ZNF618: variants seen among roughly 807,000 people sequenced by gnomAD.
ZNF618 encodes the protein zinc finger protein 618.
In ZNF618, 34 loss-of-function variants were observed where a neutral mutation model predicts 103.0. The ratio of observed to expected loss-of-function variants is 0.33; its 90% confidence interval spans 0.25 to 0.44. The LOEUF (loss-of-function observed/expected upper bound fraction) is 0.44, where lower values mean the gene tolerates loss of function less well. Ranked by LOEUF, ZNF618 falls within the 20% of genes least tolerant of loss-of-function variation. ZNF618 has a pLI of 1.00. For synonymous variants in ZNF618, 551 were observed against 542.2 expected, an observed-to-expected ratio of 1.02 and a Z score of -0.23; for missense variants, 1,059 against 1,295.4, an observed-to-expected ratio of 0.82 and a Z score of 2.80.
chr9:113,956,081 C>T (rs1836257593), intron 1 of ZNF618, among the ~76,000 whole-genome samples: 1 of 151,890 alleles, frequency 6.6e-6, no homozygotes, highest in East Asian at 1.9e-4. Flanking sequence ...TGGTGGCTCA[C>T]GCCTGTAATC....
intron 1 of ZNF618, among the ~76,000 whole-genome samples, chr9:113,914,529 G>T (rs1490279830): frequency 1.5e-4 from 23 of 152,210 alleles, no homozygotes; most frequent in Admixed American, 1.5e-3. Flanking sequence ...TTATGATTTT[G>T]TAAACTGCAG....
At chr9:114,013,282 A>C (rs1266046748) in intron 9 of ZNF618, among the ~76,000 whole-genome samples, 3 of 152,196 alleles carry the variant, frequency 2.0e-5, no homozygotes, top group Non-Finnish European at 4.4e-5. Context: ...ACATGTAAAG[A>C]CTCAATTGTG....
chr9:113,930,408 C>T (rs1833466625), intron 1 of ZNF618, among the ~76,000 whole-genome samples: 1 of 152,138 alleles, frequency 6.6e-6, no homozygotes, highest in African/African-American at 2.4e-5. Context: ...TGTAGATATG[C>T]ATTGAGCTTC....
At chr9:114,011,546 G>A (rs1842246983) in intron 9 of ZNF618, among the ~76,000 whole-genome samples, 1 of 152,210 alleles carries the variant, frequency 6.6e-6, no homozygotes, top group African/African-American at 2.4e-5. Context: ...CTCAGGAGCT[G>A]CCTTGTGAGA....
chr9:114,047,781 T>C, intron 13 of ZNF618, 112 bp from the exon 14 acceptor site: 1 of 829,998 alleles, frequency 1.2e-6, no homozygotes. Context: ...AACCCAGGCC[T>C]GAGTCCCAAT....
intron 1 of ZNF618, among the ~76,000 whole-genome samples, chr9:113,915,919 C>T (rs555695755): frequency 2.4e-4 from 36 of 152,330 alleles, no homozygotes; most frequent in African/African-American, 8.2e-4. Context: ...AAGGGCTAGA[C>T]ATAGTAGATG....
chr9:113,984,248 T>G (rs1839247411), intron 2 of ZNF618, among the ~76,000 whole-genome samples: 1 of 152,184 alleles, frequency 6.6e-6, no homozygotes. Flanking sequence ...GAGTCACCTG[T>G]GCAAGGAAGA....
chr9:113,903,339 A>G (rs1564150127), intron 1 of ZNF618, among the ~76,000 whole-genome samples: 1 of 152,200 alleles, frequency 6.6e-6, no homozygotes, highest in East Asian at 1.9e-4. Flanking sequence ...ACAGTGGAGT[A>G]TATCACCCTA....
intron 13 of ZNF618, among the ~76,000 whole-genome samples, chr9:114,038,061 C>G (rs894152128): frequency 2.6e-5 from 4 of 152,172 alleles, no homozygotes; most frequent in Non-Finnish European, 4.4e-5. Flanking sequence ...GCCTTGAATG[C>G]CAGCTCAAGG....
At chr9:114,009,731 G>A (rs778734939) in intron 9 of ZNF618, among the ~76,000 whole-genome samples, 3 of 152,244 alleles carry the variant, frequency 2.0e-5, no homozygotes, top group African/African-American at 4.8e-5. Flanking sequence ...ATATCTGAGT[G>A]AAGGAAAATC....
At chr9:113,894,490 C>T (rs1829871337) in intron 1 of ZNF618, among the ~76,000 whole-genome samples, 1 of 152,146 alleles carries the variant, frequency 6.6e-6, no homozygotes, top group South Asian at 2.1e-4. Flanking sequence ...AAGGCAACTT[C>T]TTGAGGGAAG....
intron 1 of ZNF618, among the ~76,000 whole-genome samples, chr9:113,908,836 AG>A (rs370340251): frequency 2.6e-5 from 4 of 152,152 alleles, no homozygotes; most frequent in African/African-American, 9.6e-5. Flanking sequence ...TCACCCTCCA[AG>A]AAACAGGTCT....
intron 1 of ZNF618, among the ~76,000 whole-genome samples, chr9:113,931,057 G>T (rs1309627990): frequency 1.3e-5 from 2 of 152,200 alleles, no homozygotes; most frequent in Non-Finnish European, 2.9e-5. Flanking sequence ...AGAATAGTTA[G>T]ATATAGAAGA....
At chr9:114,031,212 G>C (rs1198519779) in intron 11 of ZNF618, among the ~76,000 whole-genome samples, 1 of 152,190 alleles carries the variant, frequency 6.6e-6, no homozygotes, top group Non-Finnish European at 1.5e-5. Context: ...CATAGGAGGT[G>C]CTCAGCGAAT....
At position 114,049,748 on chromosome 9, in the gene ZNF618, C is replaced by A; in HGVS notation, c.2446C>A (p.Pro816Thr). The A allele has an allele frequency of 6.2e-7, 1 of 1,613,962 alleles. No individual in the cohort carries two copies. The highest frequency in any genetic ancestry group is 1.7e-5 in the Admixed American group (1 of 60,034). Residue 816 changes from proline to threonine, a missense_variant, in exon 15 of 15, where the codon CCT (proline) becomes ACT (threonine). This residue lies in a region of ZNF618 where 156 missense variants were observed against 197.1 expected (regional missense o/e 0.79). Coordinates refer to ENST00000374126, the MANE Select transcript of ZNF618 (RefSeq NM_001318042.2). ...MILDPQQKLR[P>T]VPPYQHEEII... ...CCTGGACCCGCAGCAGAAGCTGCGG[C>A]CTGTGCCACCCTACCAGCACGAGGA...
chr9:113,922,477 G>GTTTGTTTTTTT (rs1564174238), intron 1 of ZNF618, among the ~76,000 whole-genome samples: 1 of 132,978 alleles, frequency 7.5e-6, no homozygotes. Context: ...GTTTTGGTTT[G>GTTTGTTTTTTT]TTTTTTTTTT....
At chr9:113,927,064 A>T (rs1588064456) in intron 1 of ZNF618, among the ~76,000 whole-genome samples, 1 of 152,272 alleles carries the variant, frequency 6.6e-6, no homozygotes, top group Non-Finnish European at 1.5e-5. Context: ...GTCATATCCG[A>T]GTCTGGTTCT....
chr9:113,887,589 C>T (rs988761471), intron 1 of ZNF618, among the ~76,000 whole-genome samples: 17 of 152,102 alleles, frequency 1.1e-4, no homozygotes, highest in Non-Finnish European at 2.2e-4. Flanking sequence ...TTTGCTAAGT[C>T]GTGTCTGCTT....
At chr9:113,942,022 A>G (rs1450312771) in intron 1 of ZNF618, among the ~76,000 whole-genome samples, 4 of 152,176 alleles carry the variant, frequency 2.6e-5, no homozygotes, top group Non-Finnish European at 4.4e-5. Flanking sequence ...CTGTTGGGAG[A>G]CGAAATAGGA....
Sources: allele counts gnomAD v4.1 joint callset (sites outside exome capture counted in the v4.1 genomes callset), GRCh38; gene constraint gnomAD v4.1.1; regional missense constraint gnomAD v4.1.1; transcripts MANE v1.5; gene names NCBI Gene and HGNC (gene_info 2026-07-23, HGNC 2026-07-21).